The following UBE2L3 variants were observed in gnomAD, a reference collection of about 807,000 sequenced individuals.
UBE2L3 encodes the protein ubiquitin conjugating enzyme E2 L3, also known as ubiquitin-conjugating enzyme E2 L3.
In UBE2L3, 1 loss-of-function variant was observed where a neutral mutation model predicts 17.8. The ratio of observed to expected loss-of-function variants is 0.06; its 90% CI spans 0.02 to 0.27. The LOEUF (loss-of-function observed/expected upper bound fraction) is 0.27. Ranked by LOEUF, UBE2L3 falls within the 10% of genes least tolerant of loss-of-function variation. The probability of loss-of-function intolerance (pLI) is 1.00; values close to 1 mark genes in which losing one functional copy is unlikely to be tolerated. For missense variants in UBE2L3, 40 were observed against 192.6 expected (o/e 0.21, Z 4.69); for synonymous variants, 44 against 68.5 (o/e 0.64, Z 1.76).
rs1930060580 is a variant in UBE2L3 at position 21,622,080 on chromosome 22, A to G, written c.*411A>G. On this transcript the variant is annotated 3_prime_UTR_variant, in exon 4 of 4. Transcript: ENST00000342192. Reference sequence around the variant, plus strand: ...CACCGAGTTTATTTTTCACTTACTTACTTCCCCAGACCCCGGGCTCGCCTC... The same window carrying G: ...CACCGAGTTTATTTTTCACTTACTTGCTTCCCCAGACCCCGGGCTCGCCTC... 5.4e-6 allele frequency: 1 copy of G among 185,348 alleles called. No homozygotes were observed. Among genetic ancestry groups the G allele is most frequent in the Non-Finnish European group, 1.1e-5 (1 of 90,210 alleles). The allele number at this position is 185,348 out of a possible 1,614,324, so 11.5% of individuals were successfully genotyped here.
At chr22:21,588,875 GC>G (rs2148418700) in intron 1 of UBE2L3, among the ~76,000 whole-genome samples, 1 of 152,016 alleles carries the variant, frequency 6.6e-6, no homozygotes, top group South Asian at 2.1e-4. Context: ...TCTTGGCCAG[GC>G]TGGTCTTGAA....
chr22:21,602,330 A>G (rs889422696), intron 2 of UBE2L3, among the ~76,000 whole-genome samples: 2 of 152,184 alleles, frequency 1.3e-5, no homozygotes, highest in African/African-American at 4.8e-5. Context: ...GTGGTGTCCT[A>G]CAGCCAGCTA....
At chr22:21,567,667 C>A (rs751144736), upstream of UBE2L3, 3 of 1,549,682 alleles carry the variant, frequency 1.9e-6, no homozygotes, top group Non-Finnish European at 2.6e-6. Context: ...GCCCCTCCCC[C>A]GCTCCAGGAA....
chr22:21,602,018 A>G (rs1482458309), intron 2 of UBE2L3, among the ~76,000 whole-genome samples: 4 of 151,538 alleles, frequency 2.6e-5, no homozygotes, highest in Non-Finnish European at 5.9e-5. Flanking sequence ...CGAGCAGGGC[A>G]AGCCGCGTCC....
intron 1 of UBE2L3, among the ~76,000 whole-genome samples, chr22:21,576,970 A>ATT (rs149443941): frequency 1.9e-4 from 24 of 125,998 alleles, no homozygotes; most frequent in African/African-American, 5.9e-4. Flanking sequence ...TGCCTGGCTA[A>ATT]TTTTTTTTTT....
chr22:21,551,991 A>G (rs1489140718), intron 1 of UBE2L3, among the ~76,000 whole-genome samples: 1 of 67,826 alleles, frequency 1.5e-5, no homozygotes, highest in Non-Finnish European at 2.7e-5. Flanking sequence ...AACTGAAGAA[A>G]TACACACACA....
chr22:21,597,757 T>C (rs1214247638), intron 2 of UBE2L3, among the ~76,000 whole-genome samples: 1 of 150,878 alleles, frequency 6.6e-6, no homozygotes, highest in East Asian at 1.9e-4. Context: ...TTTGGATCTT[T>C]GATCCATTTA....
intron 2 of UBE2L3, among the ~76,000 whole-genome samples, chr22:21,605,667 G>A (rs888685326): frequency 1.3e-5 from 2 of 152,060 alleles, no homozygotes; most frequent in African/African-American, 4.8e-5. Context: ...CACCACGCCT[G>A]GCTAATTTTT....
chr22:21,560,604 C>G (rs1216691203), intron 1 of UBE2L3, among the ~76,000 whole-genome samples: 1 of 150,742 alleles, frequency 6.6e-6, no homozygotes, highest in African/African-American at 2.5e-5. Context: ...GCGCATGCCA[C>G]CACGCCTGGC....
intron 1 of UBE2L3, among the ~76,000 whole-genome samples, chr22:21,583,712 A>G (rs779963054): frequency 3.0e-4 from 45 of 152,274 alleles, no homozygotes; most frequent in Admixed American, 8.5e-4. Flanking sequence ...TGACATGACG[A>G]CTGCTGCCCC....
chr22:21,584,084 A>G (rs1927798324), intron 1 of UBE2L3, among the ~76,000 whole-genome samples: 1 of 151,952 alleles, frequency 6.6e-6, no homozygotes, highest in Non-Finnish European at 1.5e-5. Context: ...CATGTTGGTC[A>G]GGCTGGTCTC....
rs561653678 is a variant in UBE2L3 at position 21,592,632 on chromosome 22, G to A, written c.28-229G>A. On this transcript the variant is annotated intron_variant, in intron 1 of 3. Coordinates refer to ENST00000342192, the MANE Select transcript of UBE2L3 (RefSeq NM_003347.4). ...GTCCTATTCAGGGGGGTTCACTGAG[G>A]TGGGGGCTTGTCTTGGTCTGGGGCA... Among the ~76,000 whole-genome samples, 121 of 152,290 alleles carry A rather than the reference G, an allele frequency of 7.9e-4. 3 individuals are homozygous for A. The South Asian group carries it at 0.024, about 30-fold the overall frequency.
At chr22:21,560,672 A>G (rs1314171038) in intron 1 of UBE2L3, among the ~76,000 whole-genome samples, 1 of 150,764 alleles carries the variant, frequency 6.6e-6, no homozygotes, top group Non-Finnish European at 1.5e-5. Flanking sequence ...GCTGGTCTCA[A>G]ACTCCTGACC....
At chr22:21,613,515 G>A (rs1929610715) in intron 3 of UBE2L3, among the ~76,000 whole-genome samples, 1 of 152,184 alleles carries the variant, frequency 6.6e-6, no homozygotes, top group African/African-American at 2.4e-5. Flanking sequence ...ACATTATTAT[G>A]TAGATTGTTT....
intron 3 of UBE2L3, among the ~76,000 whole-genome samples, chr22:21,619,694 T>C (rs1425518593): frequency 1.3e-5 from 2 of 152,076 alleles, no homozygotes; most frequent in African/African-American, 4.8e-5. Context: ...GCATTTTGTT[T>C]TATTTATTTA....
chr22:21,557,735 A>G (rs557552289), intron 1 of UBE2L3, among the ~76,000 whole-genome samples: 1 of 152,352 alleles, frequency 6.6e-6, no homozygotes, highest in African/African-American at 2.4e-5. Context: ...GCCAGCCAAG[A>G]TGATCTCGAT....
At chr22:21,609,049 C>G (rs1929333070) in intron 2 of UBE2L3, among the ~76,000 whole-genome samples, 1 of 152,060 alleles carries the variant, frequency 6.6e-6, no homozygotes, top group Non-Finnish European at 1.5e-5. Flanking sequence ...CGCCCACCAC[C>G]ACGTCCAGCT....
At chr22:21,561,565 G>C (rs1926432203) in intron 1 of UBE2L3, among the ~76,000 whole-genome samples, 3 of 152,258 alleles carry the variant, frequency 2.0e-5, no homozygotes, top group Admixed American at 1.3e-4. Flanking sequence ...CTGGGTGACA[G>C]AGCCAGACCC....
intron 1 of UBE2L3, among the ~76,000 whole-genome samples, chr22:21,559,238 C>T (rs1568965211): frequency 6.6e-6 from 1 of 152,170 alleles, no homozygotes. Flanking sequence ...ATCCCAGCTA[C>T]TCGGGAGGCT....
Sources: gnomAD v4.1 joint callset for allele counts (sites outside exome capture counted in the v4.1 genomes callset) on GRCh38, gnomAD v4.1.1 for gene constraint, MANE v1.5 for transcripts, NCBI Gene and HGNC (gene_info 2026-07-23, HGNC 2026-07-21) for gene names.